Variants in SHISAL1 observed in about 807,000 individuals in gnomAD.
SHISAL1 encodes protein shisa-like-1.
SHISAL1 carries 9 observed loss-of-function variants against 22.6 expected under a neutral mutation model. That is an observed-to-expected ratio of 0.40 (90% confidence interval 0.24 to 0.70). The LOEUF is 0.70. Ranked by LOEUF, SHISAL1 falls within the 30% of genes least tolerant of loss-of-function variation. The pLI is 0.39. For synonymous variants in SHISAL1, 119 were observed against 115.4 expected, an observed-to-expected ratio of 1.03 and a Z score of -0.20; for missense variants, 246 against 270.6, an observed-to-expected ratio of 0.91 and a Z score of 0.64.
intron 4 of SHISAL1, among the ~76,000 whole-genome samples, chr22:44,266,500 T>G (rs1273363506): frequency 1.2e-4 from 14 of 115,524 alleles, no homozygotes; most frequent in Admixed American, 2.7e-4. Flanking sequence ...GGGGCTCTGG[T>G]GTATGTGTGT....
intron 1 of SHISAL1, among the ~76,000 whole-genome samples, chr22:44,303,958 C>T (rs986785524): frequency 5.3e-5 from 8 of 152,296 alleles, no homozygotes; most frequent in Non-Finnish European, 7.4e-5. Context: ...CCCAGGAGGA[C>T]GGTTTCAGAG....
rs938953989 is a variant in SHISAL1, at chr22:44,287,513, C to G, written c.282-1768G>C. 7.2e-4 allele frequency among the ~76,000 whole-genome samples: 109 copies of G among 152,294 alleles called. 1 individual carries two copies. Among genetic ancestry groups the G allele is most frequent in the Middle Eastern group, 3.4e-3 (1 of 294 alleles). On this transcript the variant is annotated intron_variant, in intron 3 of 4. Coordinates refer to ENST00000381176, the MANE Select transcript of SHISAL1 (RefSeq NM_001099294.2). ...AGGCTTTGTAGCTGTAATCCCACAG[C>G]TCCCGGTCACTGTGCGTCCTTGCTG... is the stretch of plus-strand genomic sequence containing the variant.
intron 4 of SHISAL1, among the ~76,000 whole-genome samples, chr22:44,267,462 C>T (rs527987495): frequency 3.9e-5 from 6 of 151,926 alleles, no homozygotes; most frequent in African/African-American, 1.5e-4. Context: ...TCCCTGGTGC[C>T]GGCCCCTCCC....
chr22:44,328,013 T>G, the SHISAL1 span, among the ~76,000 whole-genome samples: 1 of 152,186 alleles, frequency 6.6e-6, no homozygotes, highest in African/African-American at 2.4e-5. Context: ...CCTGTGAATC[T>G]GTTGTACAAG....
intron 3 of SHISAL1, among the ~76,000 whole-genome samples, chr22:44,285,955 TG>T (rs1422165478): frequency 1.3e-5 from 2 of 152,168 alleles, no homozygotes; most frequent in African/African-American, 4.8e-5. Context: ...TGCCCGGGCC[TG>T]GTCCCCACCT....
the SHISAL1 span, among the ~76,000 whole-genome samples, chr22:44,322,804 G>A: frequency 2.0e-5 from 3 of 152,188 alleles, no homozygotes; most frequent in South Asian, 2.1e-4. Flanking sequence ...GCTACACAAC[G>A]CATCCCACCT....
intron 4 of SHISAL1, among the ~76,000 whole-genome samples, chr22:44,281,856 A>C (rs539002475): frequency 8.5e-5 from 13 of 152,318 alleles, no homozygotes; most frequent in Admixed American, 2.6e-4. Flanking sequence ...TGACCATTGC[A>C]CCACTCCTGA....
intron 3 of SHISAL1, among the ~76,000 whole-genome samples, chr22:44,292,576 G>A (rs144841834): frequency 5.9e-5 from 9 of 152,280 alleles, no homozygotes; most frequent in African/African-American, 1.4e-4. Context: ...TCGTGTGGCC[G>A]GGGCCCCAAA....
chr22:44,256,188 G>GC (rs1293430853), intron 4 of SHISAL1, among the ~76,000 whole-genome samples: 53 of 152,006 alleles, frequency 3.5e-4, no homozygotes, highest in Middle Eastern at 6.8e-3. Context: ...TGGGTCTCAG[G>GC]ACTGGAACTC....
At chr22:44,286,155 A>G (rs1164457598) in intron 3 of SHISAL1, among the ~76,000 whole-genome samples, 1 of 152,014 alleles carries the variant, frequency 6.6e-6, no homozygotes, top group African/African-American at 2.4e-5. Flanking sequence ...ACCTTTGCCT[A>G]CATTGTTCCT....
intron 3 of SHISAL1, among the ~76,000 whole-genome samples, chr22:44,288,107 C>T (rs888667619): frequency 2.0e-5 from 3 of 152,214 alleles, no homozygotes; most frequent in African/African-American, 4.8e-5. Context: ...CTGCTTCCCA[C>T]GTTAGCCCAT....
intron 4 of SHISAL1, among the ~76,000 whole-genome samples, chr22:44,269,535 AC>A (rs1404106810): frequency 9.5e-5 from 14 of 146,958 alleles, no homozygotes; most frequent in Non-Finnish European, 1.8e-4. Context: ...ATATACACAC[AC>A]ACCATGCCAC....
At position 44,306,025 on chromosome 22, in the gene SHISAL1, T is replaced by G. The variant is rs2055469196; in HGVS notation, c.-32-5048A>C. Among the ~76,000 whole-genome samples, 3 of 152,214 alleles carry G rather than the reference T, an allele frequency of 2.0e-5. No homozygotes were observed. In the South Asian group the frequency reaches 6.2e-4, roughly 31 times the overall value. On this transcript the variant is annotated intron_variant, in intron 1 of 4. Coordinates refer to ENST00000381176, the MANE Select transcript of SHISAL1 (RefSeq NM_001099294.2). ...ACCTAAGTAAAAATTCCATTTCTAA[T>G]GATCTGAGACAGCAAAGCTTAGAAG... is the stretch of plus-strand genomic sequence containing the variant.
intron 4 of SHISAL1, among the ~76,000 whole-genome samples, chr22:44,263,393 G>T (rs554607384): frequency 6.6e-6 from 1 of 152,228 alleles, no homozygotes; most frequent in South Asian, 2.1e-4. Flanking sequence ...TTTTCTAAGG[G>T]ATTCTCACAG....
At chr22:44,309,597 G>A (rs997934562) in intron 1 of SHISAL1, among the ~76,000 whole-genome samples, 9 of 151,570 alleles carry the variant, frequency 5.9e-5, no homozygotes, top group South Asian at 4.2e-4. Context: ...CTCAAACCCC[G>A]GGGTCTGCTC....
At chr22:44,276,421 C>T (rs1407216805) in intron 4 of SHISAL1, among the ~76,000 whole-genome samples, 3 of 152,074 alleles carry the variant, frequency 2.0e-5, no homozygotes, top group African/African-American at 4.8e-5. Flanking sequence ...AGGAGGCCAT[C>T]GGCGGGTCTT....
intron 3 of SHISAL1, among the ~76,000 whole-genome samples, chr22:44,288,558 G>A (rs1022342688): frequency 2.0e-4 from 30 of 152,296 alleles, no homozygotes; most frequent in Non-Finnish European, 3.8e-4. Context: ...GGAGAATTGC[G>A]TGAATGCGGG....
chr22:44,323,063 AC>A, the SHISAL1 span, among the ~76,000 whole-genome samples: 2 of 103,848 alleles, frequency 1.9e-5, no homozygotes, highest in Middle Eastern at 7.6e-3. Context: ...CCATCCACCC[AC>A]CTCACCCACC....
At chr22:44,267,540 G>C (rs1449244379) in intron 4 of SHISAL1, among the ~76,000 whole-genome samples, 2 of 152,068 alleles carry the variant, frequency 1.3e-5, no homozygotes, top group Non-Finnish European at 2.9e-5. Flanking sequence ...CTCTCTGGTA[G>C]ACCCCCAGCT....
Sources: gnomAD v4.1 joint callset for allele counts (sites outside exome capture counted in the v4.1 genomes callset) on GRCh38, gnomAD v4.1.1 for gene constraint, MANE v1.5 for transcripts, NCBI Gene and HGNC (gene_info 2026-07-23, HGNC 2026-07-21) for gene names.